The following RBL2 variants were observed in gnomAD, a reference collection of about 807,000 sequenced individuals.
RBL2 encodes retinoblastoma-like protein 2.
Under a neutral mutation model 126.0 loss-of-function variants are expected in RBL2, and 56 were observed. The ratio of observed to expected loss-of-function variants is 0.44; its 90% CI spans 0.36 to 0.56. RBL2 has a LOEUF of 0.56. Ranked by LOEUF, RBL2 falls within the 20% of genes least tolerant of loss-of-function variation. RBL2 has a pLI of 0.00. For synonymous variants in RBL2, 454 were observed against 478.5 expected (o/e 0.95, Z 0.67); for missense variants, 1,229 against 1,398.2 (o/e 0.88, Z 1.93).
At chr16:53,443,256 A>G (rs531256652) in intron 3 of RBL2, 4 of 152,998 alleles carry the variant, frequency 2.6e-5, no homozygotes, top group Non-Finnish European at 5.8e-5. Flanking sequence ...CTGGATATAT[A>G]TATTTTTTAT....
At chr16:53,486,389 C>T (rs1352869721) in intron 21 of RBL2, among the ~76,000 whole-genome samples, 2 of 152,164 alleles carry the variant, frequency 1.3e-5, no homozygotes, top group East Asian at 3.8e-4. Context: ...GTAGTAGTCT[C>T]AGTAGCCCCT....
rs557931109 is a variant in RBL2, at chr16:53,442,871, G to T, written c.572+13G>T. ...GAAGGAAACAGCGGTAGGTTTTCTT[G>T]TTGGTTCATCAGGAATACACGTTAG... On this transcript the variant is annotated intron_variant, in intron 3 of 21. Transcript: ENST00000262133. 55 of 1,597,026 alleles carry T rather than the reference G, an allele frequency of 3.4e-5. 1 individual carries two copies. In the Admixed American group the frequency reaches 7.1e-4, roughly 21 times the overall value.
rs766375917 is a variant in RBL2, at chr16:53,480,679, A to G, written c.2994A>G (p.Glu998=). The G allele has an allele frequency of 1.9e-6, 3 of 1,613,820 alleles. No individual in the cohort carries two copies. Among genetic ancestry groups the G allele is most frequent in the East Asian group, 2.2e-5 (1 of 44,886 alleles). The change falls in exon 20 of 22, where the codon GAA becomes GAG. Residue 998 remains glutamate (E), a synonymous_variant. Coordinates refer to ENST00000262133, the MANE Select transcript of RBL2 (RefSeq NM_005611.4). The part of the protein sequence containing the change: ...TRLTGANSDM[E]EEERGDLIQF... Reference sequence around the variant, plus strand: ...TCACAGGTGCCAACAGTGACATGGAAGAAGAGGAGAGGGGAGACCTCATTC... The same window carrying G: ...TCACAGGTGCCAACAGTGACATGGAGGAAGAGGAGAGGGGAGACCTCATTC...
chr16:53,475,909 C>T (rs1317261638), intron 17 of RBL2, among the ~76,000 whole-genome samples: 10 of 134,396 alleles, frequency 7.4e-5, no homozygotes, highest in Non-Finnish European at 1.5e-5. Context: ...GTAGTGCTCA[C>T]GGCAGCCTTC....
At chr16:53,481,591 C>A in intron 20 of RBL2, 80 bp from the exon 21 acceptor site, 1 of 1,267,508 alleles carries the variant, frequency 7.9e-7, no homozygotes, top group Non-Finnish European at 1.1e-6. Context: ...TTTAGCACAC[C>A]TCTTCACTCA....
chr16:53,487,585 C>T (rs543062370), intron 21 of RBL2: 27 of 152,260 alleles, frequency 1.8e-4, no homozygotes, highest in African/African-American at 6.0e-4. Context: ...AACTACAAAA[C>T]CTCTAGAAGA....
chr16:53,483,749 C>T (rs530414943), intron 21 of RBL2, among the ~76,000 whole-genome samples: 17 of 151,790 alleles, frequency 1.1e-4, no homozygotes, highest in African/African-American at 2.9e-4. Context: ...AAAAATTAGC[C>T]GGGCATGGTG....
At chr16:53,459,366 G>C in intron 8 of RBL2, 85 bp from the exon 9 acceptor site, 1 of 1,118,358 alleles carries the variant, frequency 8.9e-7, no homozygotes, top group Non-Finnish European at 1.3e-6. Flanking sequence ...AGTCCCATTT[G>C]TGAAGTGAAT....
chr16:53,439,085 A>C lies in RBL2; in HGVS notation c.310A>C (p.Lys104Gln), dbSNP rs747914631. The C allele has an allele frequency of 2.2e-5, 35 of 1,609,084 alleles. No homozygotes were observed. The highest frequency in any genetic ancestry group is 3.0e-5 in the Non-Finnish European group (35 of 1,177,576). ...CAGAAAATCTGTTCCAACTGTAAGC[A>C]AAGGGACAGTGGAAGGAAACTATGT... ...ACRKSVPTVSKGTVEGNYVSL... is the reference protein window; with the variant it reads ...ACRKSVPTVSQGTVEGNYVSL... The change falls in exon 2 of 22, where the codon AAA becomes CAA. Residue 104 changes from lysine to glutamine, a missense_variant. Coordinates refer to ENST00000262133, the MANE Select transcript of RBL2 (RefSeq NM_005611.4).
intron 17 of RBL2, among the ~76,000 whole-genome samples, chr16:53,476,218 A>G (rs949574226): frequency 8.5e-5 from 13 of 152,240 alleles, no homozygotes; most frequent in African/African-American, 2.9e-4. Context: ...TCTTCATTTC[A>G]AAAGTATTTT....
chr16:53,449,092 G>A (rs959118427), intron 4 of RBL2: 5 of 152,142 alleles, frequency 3.3e-5, no homozygotes, highest in Non-Finnish European at 5.9e-5. Context: ...CATGATCAGT[G>A]GCATGAAATA....
chr16:53,479,093 C>A, intron 17 of RBL2, 61 bp from the exon 18 acceptor site: 1 of 1,332,374 alleles, frequency 7.5e-7, no homozygotes, highest in Non-Finnish European at 1.1e-6. Flanking sequence ...GTTCACAGAG[C>A]TCCTCACACT....
intron 14 of RBL2, among the ~76,000 whole-genome samples, chr16:53,468,942 T>C (rs1237593010): frequency 6.6e-6 from 1 of 152,172 alleles, no homozygotes; most frequent in Admixed American, 6.5e-5. Flanking sequence ...TTATGTTATA[T>C]ATATAACCAC....
chr16:53,448,818 A>G (rs1280245958), intron 4 of RBL2: 1 of 152,222 alleles, frequency 6.6e-6, no homozygotes, highest in Non-Finnish European at 1.5e-5. Flanking sequence ...AGCTGAGCCC[A>G]GAAACTAGCT....
chr16:53,462,340 A>G (rs539874256), intron 10 of RBL2, among the ~76,000 whole-genome samples: 4 of 152,284 alleles, frequency 2.6e-5, no homozygotes, highest in Admixed American at 1.3e-4. Context: ...TTATGTGCAA[A>G]TTTCATTTAA....
chr16:53,490,042 A>C (rs1453615704), intron 21 of RBL2, 88 bp from the exon 22 acceptor site: 3 of 1,045,838 alleles, frequency 2.9e-6, no homozygotes, highest in Non-Finnish European at 3.9e-6. Context: ...TCCAGGGTAA[A>C]CTGCTTAACT....
rs762124822 is a variant in RBL2 at position 53,470,647 on chromosome 16, C to T, written c.2510C>T (p.Ser837Leu). 14 of 1,613,808 alleles carry T rather than the reference C, an allele frequency of 8.7e-6. No homozygotes were observed. In the African/African-American group the frequency reaches 9.3e-5, roughly 11 times the overall value. The part of the protein sequence containing the change: ...SNRPRKTSSL[S>L]LFFRKVYHLA... ...AGACCCAGGAAGACCAGCTCTTTAT[C>T]GCTTTTCTTTAGAAAGGTAATTTTT... The change falls in exon 16 of 22, where the codon TCG (serine) becomes TTG (leucine). Residue 837 changes from serine to leucine, a missense_variant. This residue lies in a region of RBL2 where 1,070 missense variants were observed against 1,274.3 expected (regional missense o/e 0.84). Coordinates refer to ENST00000262133, the MANE Select transcript of RBL2 (RefSeq NM_005611.4).
chr16:53,462,414 C>T, intron 10 of RBL2, 138 bp from the exon 11 acceptor site: 1 of 517,182 alleles, frequency 1.9e-6, no homozygotes, highest in East Asian at 3.4e-5. Flanking sequence ...ATAATTAAAA[C>T]ACCAATCATA....
In RBL2 at chr16:53,462,565, A is replaced by G; in HGVS notation, c.1470A>G (p.Lys490=). 1 of 1,552,568 alleles carries G rather than the reference A, an allele frequency of 6.4e-7. No individual in the cohort carries two copies. The highest frequency in any genetic ancestry group is 8.6e-7 in the Non-Finnish European group (1 of 1,158,334). Residue 490 remains lysine, a synonymous_variant, in exon 11 of 22, where the codon AAA becomes AAG. Coordinates refer to ENST00000262133, the MANE Select transcript of RBL2 (RefSeq NM_005611.4). The part of the protein sequence containing the change: ...FSNCAKEIAS[K]HFRFAEMLYY... ...TTATTTCTACAGAAATTGCCAGCAA[A>G]CATTTTCGTTTTGCGGAGATGCTTT...
Sources: gnomAD v4.1 joint callset for allele counts (sites outside exome capture counted in the v4.1 genomes callset) on GRCh38, gnomAD v4.1.1 for gene constraint, gnomAD v4.1.1 regional missense constraint, MANE v1.5 for transcripts, NCBI Gene and HGNC (gene_info 2026-07-23, HGNC 2026-07-21) for gene names.